Variants in PRKAG2 observed in about 807,000 individuals in gnomAD.
The protein encoded by PRKAG2 is protein kinase AMP-activated non-catalytic subunit gamma 2.
PRKAG2 carries 26 observed loss-of-function variants against 69.6 expected under a neutral mutation model. That is an observed-to-expected ratio of 0.37 (90% CI 0.27 to 0.52). The LOEUF is 0.52. Among genes scored for constraint, PRKAG2 ranks in the 20% least tolerant of loss-of-function variants. PRKAG2 has a pLI of 0.90. For missense variants in PRKAG2, 557 were observed against 740.0 expected, an observed-to-expected ratio of 0.75 and a Z score of 2.87; for synonymous variants, 293 against 285.0, an observed-to-expected ratio of 1.03 and a Z score of -0.28.
chr7:151,662,134 C>T (rs1383896787), intron 4 of PRKAG2, among the ~76,000 whole-genome samples: 4 of 152,160 alleles, frequency 2.6e-5, no homozygotes, highest in South Asian at 2.1e-4. Flanking sequence ...TTCCCCGCAC[C>T]GGCTGTTACA....
At chr7:151,682,406 A>AT (rs144316122) in intron 3 of PRKAG2, among the ~76,000 whole-genome samples, 5,600 of 152,058 alleles carry the variant, frequency 0.037, 170 homozygotes, top group Non-Finnish European at 0.056. Context: ...ACACCAGCTA[A>AT]TTTTTTTATT....
intron 5 of PRKAG2, among the ~76,000 whole-genome samples, chr7:151,601,989 C>T (rs1329425141): frequency 6.6e-6 from 1 of 152,212 alleles, no homozygotes; most frequent in Non-Finnish European, 1.5e-5. Context: ...TCCCATGTTT[C>T]TCAAAACACT....
intron 15 of PRKAG2, chr7:151,559,264 G>T: frequency 2.0e-6 from 2 of 976,934 alleles, no homozygotes; most frequent in Non-Finnish European, 2.4e-6. Context: ...TCCATCGAAT[G>T]AATGTGACAC....
intron 1 of PRKAG2, among the ~76,000 whole-genome samples, chr7:151,849,932 C>T (rs1402961660): frequency 6.6e-6 from 1 of 152,166 alleles, no homozygotes; most frequent in East Asian, 1.9e-4. Flanking sequence ...TAATTCAATC[C>T]GTGCCACTTG....
chr7:151,624,137 CGTGTGT>C (rs58644630), intron 5 of PRKAG2, among the ~76,000 whole-genome samples: 215 of 144,986 alleles, frequency 1.5e-3, no homozygotes, highest in Middle Eastern at 7.0e-3. Flanking sequence ...CAGAAGGCAG[CGTGTGT>C]GTGTGTGTGT....
intron 2 of PRKAG2, among the ~76,000 whole-genome samples, chr7:151,785,751 C>T (rs1454227889): frequency 6.6e-6 from 1 of 152,144 alleles, no homozygotes; most frequent in Non-Finnish European, 1.5e-5. Flanking sequence ...TCCACCCACC[C>T]TTACTTCCTG....
chr7:151,837,301 A>C (rs1354548644), intron 1 of PRKAG2: 1 of 152,546 alleles, frequency 6.6e-6, no homozygotes, highest in Non-Finnish European at 1.5e-5. Flanking sequence ...TAGTATCAGA[A>C]ATATTTTGAA....
At chr7:151,730,150 T>A (rs917332607) in intron 3 of PRKAG2, among the ~76,000 whole-genome samples, 1 of 152,176 alleles carries the variant, frequency 6.6e-6, no homozygotes, top group Non-Finnish European at 1.5e-5. Context: ...AAATTTGTAT[T>A]ATGTACATCT....
chr7:151,666,278 G>A (rs1051016833), intron 4 of PRKAG2, among the ~76,000 whole-genome samples: 1 of 152,202 alleles, frequency 6.6e-6, no homozygotes, highest in Non-Finnish European at 1.5e-5. Context: ...GTAATTAAGT[G>A]AGGCCATAGG....
In PRKAG2 at chr7:151,614,775, T is replaced by C. The variant is rs1187456587; in HGVS notation, c.754+17294A>G. Among the ~76,000 whole-genome samples, 1 of 152,220 alleles carries C rather than the reference T, an allele frequency of 6.6e-6. No homozygotes were observed. Among genetic ancestry groups the C allele is most frequent in the African/African-American group, 2.4e-5 (1 of 41,460 alleles). On this transcript the variant is annotated intron_variant, in intron 5 of 15. Transcript: ENST00000287878. This position sits in a 1 kb window ranked among gnomAD's most constrained non-coding sequence, Gnocchi z 4.4. ...TGAGTCCCCATCACCAGCAACCACC[T>C]GGCACTAATCACAATGGCTTTTCTG...
intron 1 of PRKAG2, among the ~76,000 whole-genome samples, chr7:151,858,689 C>T (rs2079845038): frequency 6.6e-6 from 1 of 152,218 alleles, no homozygotes; most frequent in Admixed American, 6.5e-5. Flanking sequence ...CATCGTCATT[C>T]ACTTCGGCCG....
chr7:151,806,791 C>T (rs1261973258), intron 1 of PRKAG2: 5 of 347,032 alleles, frequency 1.4e-5, no homozygotes, highest in African/African-American at 8.6e-5. Flanking sequence ...CATGGCAAAA[C>T]CCTGTCTCTA....
At chr7:151,653,214 T>C (rs1352827259) in intron 4 of PRKAG2, among the ~76,000 whole-genome samples, 1 of 152,148 alleles carries the variant, frequency 6.6e-6, no homozygotes, top group East Asian at 1.9e-4. Flanking sequence ...ACATCATTAG[T>C]AGTGTTTTCA....
chr7:151,683,052 G>A (rs1834123080), intron 3 of PRKAG2, among the ~76,000 whole-genome samples: 2 of 152,250 alleles, frequency 1.3e-5, no homozygotes, highest in African/African-American at 4.8e-5. Flanking sequence ...CTTTGTTTAG[G>A]ACGCCGCCAG....
chr7:151,795,392 C>T (rs1016372115), intron 1 of PRKAG2, among the ~76,000 whole-genome samples: 1 of 152,060 alleles, frequency 6.6e-6, no homozygotes, highest in Non-Finnish European at 1.5e-5. Flanking sequence ...CAGGTTGCCG[C>T]CTCCATCCGG....
rs1359631292 is a variant in PRKAG2, at chr7:151,850,045, G to C, written c.114+26462C>G. On this transcript the variant is annotated intron_variant, in intron 1 of 15. Coordinates refer to ENST00000287878, the MANE Select transcript of PRKAG2 (RefSeq NM_016203.4). This position sits in a 1 kb window ranked among gnomAD's most constrained non-coding sequence, Gnocchi z 4.1. ...CTGTAGCTAGGCACAGAGAGGCTCT[G>C]CTGGGCTGCAGGGGGAGCGAGACAC... Among the ~76,000 whole-genome samples the C allele has an allele frequency of 1.3e-5, 2 of 152,162 alleles. No homozygotes were observed. The highest frequency in any genetic ancestry group is 2.9e-5 in the Non-Finnish European group (2 of 68,042).
chr7:151,704,210 C>T (rs2151579969), intron 3 of PRKAG2, among the ~76,000 whole-genome samples: 1 of 152,258 alleles, frequency 6.6e-6, no homozygotes, highest in South Asian at 2.1e-4. Flanking sequence ...ACAAACAATC[C>T]AATTACACTT....
At chr7:151,709,025 C>T (rs1047316212) in intron 3 of PRKAG2, among the ~76,000 whole-genome samples, 5 of 151,938 alleles carry the variant, frequency 3.3e-5, no homozygotes, top group Middle Eastern at 3.2e-3. Flanking sequence ...GTGTGATGGG[C>T]GATGGTGACA....
chr7:151,631,546 G>A, intron 5 of PRKAG2: 1 of 357,572 alleles, frequency 2.8e-6, no homozygotes, highest in Non-Finnish European at 5.9e-6. Flanking sequence ...AAATGACGGA[G>A]TGAGAGGGTC....
Sources: gnomAD v4.1 joint callset for allele counts (sites outside exome capture counted in the v4.1 genomes callset) on GRCh38, gnomAD v4.1.1 for gene constraint, Gnocchi (gnomAD v3.1) non-coding constraint, MANE v1.5 for transcripts, NCBI Gene and HGNC (gene_info 2026-07-23, HGNC 2026-07-21) for gene names.